ITGB1BP1: variants seen among roughly 807,000 people sequenced by gnomAD.
ITGB1BP1 encodes integrin beta-1-binding protein 1.
A neutral mutation model predicts 28.0 loss-of-function variants in ITGB1BP1; 20 were observed. The ratio of observed to expected loss-of-function variants is 0.71; its 90% CI spans 0.50 to 1.04. The LOEUF (loss-of-function observed/expected upper bound fraction) is 1.04, where lower values mean the gene tolerates loss of function less well. Among genes scored for constraint, ITGB1BP1 ranks in the 50% least tolerant of loss-of-function variants. The pLI, the probability that ITGB1BP1 is intolerant of heterozygous loss-of-function variation, is 0.00. For missense variants in ITGB1BP1, 228 were observed against 242.5 expected, an observed-to-expected ratio of 0.94 and a Z score of 0.40; for synonymous variants, 103 against 89.5, an observed-to-expected ratio of 1.15 and a Z score of -0.85.
At chr2:9,411,766 G>C (rs1375081065) in intron 4 of ITGB1BP1, among the ~76,000 whole-genome samples, 2 of 151,042 alleles carry the variant, frequency 1.3e-5, no homozygotes, top group East Asian at 3.9e-4. Context: ...CTGTGGGCCG[G>C]CCACAGTGGC....
rs757865713 is a variant in ITGB1BP1 at position 9,418,727 on chromosome 2, G to T, written c.-30C>A. On this transcript the variant is annotated 5_prime_UTR_variant, in exon 2 of 7. Coordinates refer to ENST00000355346, the MANE Select transcript of ITGB1BP1 (RefSeq NM_004763.5). The stretch of plus-strand genomic sequence containing the variant: ...CACCACCATTGCTTGATCCAGAGAA[G>T]ATCCCCTGAAAAAACAAATATTGGT... The T allele has an allele frequency of 2.5e-6, 4 of 1,604,586 alleles. 1 individual carries two copies. The highest frequency in any genetic ancestry group is 3.4e-6 in the Non-Finnish European group (4 of 1,173,638).
At chr2:9,423,271 G>T (rs942426459) in intron 1 of ITGB1BP1, 102 bp downstream of exon 1, 6 of 1,183,726 alleles carry the variant, frequency 5.1e-6, no homozygotes, top group Non-Finnish European at 5.3e-6. Context: ...CCGCCCCGCG[G>T]CCCCACCCAT....
chr2:9,420,189 AC>A, intron 1 of ITGB1BP1: 1 of 246,134 alleles, frequency 4.1e-6, no homozygotes, highest in Non-Finnish European at 6.5e-6. Context: ...TGGAGACCCC[AC>A]TCTAAGTCCA....
At chr2:9,408,639 AATTT>A (rs1677885049) in intron 4 of ITGB1BP1, among the ~76,000 whole-genome samples, 1 of 151,902 alleles carries the variant, frequency 6.6e-6, no homozygotes, top group African/African-American at 2.4e-5. Context: ...CATGTGGGCC[AATTT>A]ATTTATTTTT....
Position 9,406,760 on chromosome 2 carries a change from C to T in ITGB1BP1, c.*74G>A. ...GAGCAAGGGATAACTTCATTATTTG[C>T]ATAACATTTCAGCATTGCAGTTTGA... On this transcript the variant is annotated 3_prime_UTR_variant, in exon 7 of 7. Coordinates refer to ENST00000355346, the MANE Select transcript of ITGB1BP1 (RefSeq NM_004763.5). 1.0e-6 allele frequency: 1 copy of T among 964,898 alleles called. No homozygotes were observed. Among genetic ancestry groups the T allele is most frequent in the Admixed American group, 1.7e-5 (1 of 58,770 alleles). The allele number at this position is 964,898 out of a possible 1,614,324, so 59.8% of individuals were successfully genotyped here.
intron 3 of ITGB1BP1, 69 bp from the exon 4 acceptor site, chr2:9,412,474 T>A: frequency 7.6e-7 from 1 of 1,321,582 alleles, no homozygotes. Context: ...CTCAGTCCCT[T>A]CCCAAATAAA....
chr2:9,418,210 C>T (rs1016457466), intron 2 of ITGB1BP1, among the ~76,000 whole-genome samples: 1 of 152,216 alleles, frequency 6.6e-6, no homozygotes, highest in East Asian at 1.9e-4. Context: ...TAAATCCACG[C>T]TTACCTTCCA....
intron 1 of ITGB1BP1, 51 bp downstream of exon 1, chr2:9,423,322 G>C (rs900809164): frequency 2.5e-6 from 3 of 1,221,570 alleles, no homozygotes; most frequent in South Asian, 1.4e-5. Flanking sequence ...CCGTGTTCCC[G>C]TCAGGCCTCC....
In ITGB1BP1 at chr2:9,406,735, G is replaced by C. The variant is rs897013867; in HGVS notation, c.*99C>G. The C allele has an allele frequency of 3.9e-5, 33 of 838,652 alleles. No individual in the cohort carries two copies. Among genetic ancestry groups the C allele is most frequent in the Non-Finnish European group, 6.6e-5 (32 of 483,106 alleles). 52.0% of individuals were successfully genotyped at this position (838,652 alleles called of 1,614,324 possible). On this transcript the variant is annotated 3_prime_UTR_variant, in exon 7 of 7. Coordinates refer to ENST00000355346, the MANE Select transcript of ITGB1BP1 (RefSeq NM_004763.5). Reference sequence around the variant, plus strand: ...CAATCCATTTTCTTCAGAAAATCTAGAGCAAGGGATAACTTCATTATTTGC... The same window carrying C: ...CAATCCATTTTCTTCAGAAAATCTACAGCAAGGGATAACTTCATTATTTGC...
rs1224448124 is a variant in ITGB1BP1, at chr2:9,405,935, C to T, written c.*899G>A. ...ACCAGCATGAATCCTGGTCTCCAGTCCACACCTCTGCCGGACAGAGGTCCA... is the reference window on the plus strand; with the variant it reads ...ACCAGCATGAATCCTGGTCTCCAGTTCACACCTCTGCCGGACAGAGGTCCA... On this transcript the variant is annotated 3_prime_UTR_variant, in exon 7 of 7. Coordinates refer to ENST00000355346, the MANE Select transcript of ITGB1BP1 (RefSeq NM_004763.5). 1 of 152,250 alleles carries T rather than the reference C, an allele frequency of 6.6e-6. No individual in the cohort carries two copies. Among genetic ancestry groups the T allele is most frequent in the African/African-American group, 2.4e-5 (1 of 41,452 alleles). The allele number at this position is 152,250 out of a possible 1,614,324, so 9.4% of individuals were successfully genotyped here. A position where few individuals can be genotyped will look rare whatever the true frequency, so the allele number is the denominator to read the frequency against.
chr2:9,417,779 C>T (rs775131318), intron 2 of ITGB1BP1, among the ~76,000 whole-genome samples: 1 of 152,118 alleles, frequency 6.6e-6, no homozygotes, highest in Admixed American at 6.5e-5. Context: ...TCTCCCACCC[C>T]CTCCATTCCT....
intron 4 of ITGB1BP1, among the ~76,000 whole-genome samples, chr2:9,409,176 T>A (rs1677980505): frequency 6.6e-6 from 1 of 152,252 alleles, no homozygotes; most frequent in African/African-American, 2.4e-5. Flanking sequence ...CAGACCGGAA[T>A]ACCACCTACT....
intron 2 of ITGB1BP1, among the ~76,000 whole-genome samples, chr2:9,416,950 T>C (rs1306356730): frequency 6.6e-6 from 1 of 152,062 alleles, no homozygotes; most frequent in East Asian, 1.9e-4. Context: ...CATCGATCCA[T>C]GGGTCCCATG....
At chr2:9,420,738 T>C (rs1249208816) in intron 1 of ITGB1BP1, among the ~76,000 whole-genome samples, 2 of 152,354 alleles carry the variant, frequency 1.3e-5, no homozygotes, top group Admixed American at 1.3e-4. Context: ...GACTTTAGTT[T>C]AAGAGGAATA....
In ITGB1BP1 at chr2:9,414,225, C is replaced by T. The variant is rs775757013; in HGVS notation, c.104G>A (p.Arg35Gln). 2 of 1,614,034 alleles carry T rather than the reference C, an allele frequency of 1.2e-6. No individual in the cohort carries two copies. The highest frequency in any genetic ancestry group is 1.7e-6 in the Non-Finnish European group (2 of 1,179,972). Residue 35 changes from arginine (R) to glutamine (Q), a missense_variant, in exon 3 of 7, where the codon CGA becomes CAA. Arg to Gln is a conservative substitution (Grantham distance 43). Transcript: ENST00000355346. ...GTCGAGGCTGGCCACAGTGCTGGAT[C>T]GTGAAAGACCCCCAAGGCTAGAATC... is the stretch of plus-strand genomic sequence containing the variant. ...SVDSSLGGLS[R>Q]SSTVASLDTD... is the part of the protein sequence containing the mutation.
intron 1 of ITGB1BP1, among the ~76,000 whole-genome samples, chr2:9,421,062 G>A (rs1679779755): frequency 1.3e-5 from 2 of 152,182 alleles, no homozygotes; most frequent in African/African-American, 2.4e-5. Flanking sequence ...CCATGTTAAT[G>A]GCGCTCACGG....
chr2:9,412,146 C>T (rs926857043), intron 4 of ITGB1BP1, 123 bp downstream of exon 4: 2 of 778,362 alleles, frequency 2.6e-6, no homozygotes, highest in Non-Finnish European at 4.2e-6. Flanking sequence ...GATGCGGGGA[C>T]TTCAGTCGAG....
rs1369658844 is a variant in ITGB1BP1 at position 9,406,026 on chromosome 2, A to AATGT, written c.*807_*808insACAT. On this transcript the variant is annotated 3_prime_UTR_variant, in exon 7 of 7. Coordinates refer to ENST00000355346, the MANE Select transcript of ITGB1BP1 (RefSeq NM_004763.5). ...TGTCCTCAGTCTTCCTCAGGCCTTCAGTGTGTGTCACTGAGTGGACCTCTG... is the reference window on the plus strand; with the variant it reads ...TGTCCTCAGTCTTCCTCAGGCCTTCAATGTGTGTGTGTCACTGAGTGGACCTCTG... 1.4e-5 allele frequency: 2 copies of AATGT among 144,260 alleles called. No individual in the cohort carries two copies. The highest frequency in any genetic ancestry group is 5.0e-5 in the African/African-American group (2 of 39,804). 8.9% of individuals were successfully genotyped at this position (144,260 alleles called of 1,614,324 possible).
At chr2:9,413,224 A>ATCCT (rs1678681398) in intron 3 of ITGB1BP1, among the ~76,000 whole-genome samples, 2 of 152,262 alleles carry the variant, frequency 1.3e-5, no homozygotes, top group Non-Finnish European at 2.9e-5. Flanking sequence ...TCACTAGGAC[A>ATCCT]GGTTCCTGAA....
Sources: gnomAD v4.1 joint callset for allele counts (sites outside exome capture counted in the v4.1 genomes callset) on GRCh38, gnomAD v4.1.1 for gene constraint, MANE v1.5 for transcripts, NCBI Gene and HGNC (gene_info 2026-07-23, HGNC 2026-07-21) for gene names.